PRKG1: variants seen among roughly 807,000 people sequenced by gnomAD.
PRKG1 encodes protein kinase cGMP-dependent 1.
PRKG1 carries 35 observed loss-of-function variants against 88.1 expected under a neutral mutation model. That is an observed-to-expected ratio of 0.40 (90% confidence interval 0.30 to 0.53). PRKG1 has a LOEUF of 0.53. Ranked by LOEUF, PRKG1 falls within the 20% of genes least tolerant of loss-of-function variation. The pLI, the probability that PRKG1 is intolerant of heterozygous loss-of-function variation, is 0.59. For synonymous variants in PRKG1, 303 were observed against 292.5 expected (o/e 1.04, Z -0.37); for missense variants, 540 against 839.8 (o/e 0.64, Z 4.41).
chr10:51,974,605 T>C (rs1352674850), intron 5 of PRKG1, among the ~76,000 whole-genome samples: 3 of 152,182 alleles, frequency 2.0e-5, no homozygotes, highest in Non-Finnish European at 4.4e-5. Context: ...CATATGCTTA[T>C]GCTAGTTCTT....
intron 2 of PRKG1, among the ~76,000 whole-genome samples, chr10:51,226,289 A>T (rs549881094): frequency 6.6e-6 from 1 of 152,328 alleles, no homozygotes; most frequent in South Asian, 2.1e-4. Context: ...AGGAAAGAAA[A>T]AGTTGATTAC....
At chr10:51,993,649 G>A (rs1201027657) in intron 5 of PRKG1, among the ~76,000 whole-genome samples, 1 of 152,192 alleles carries the variant, frequency 6.6e-6, no homozygotes, top group Non-Finnish European at 1.5e-5. Flanking sequence ...AGTAGTGACA[G>A]CAGTAGCAAC....
chr10:51,704,230 T>TAGACAGAC lies in PRKG1; in HGVS notation c.593-100352_593-100351insCAGACAGA, dbSNP rs1260763973. Among the ~76,000 whole-genome samples the TAGACAGAC allele has an allele frequency of 1.5e-3, 202 of 136,636 alleles. 1 individual carries two copies. The highest frequency in any genetic ancestry group is 6.7e-3 in the African/African-American group (195 of 28,944). The allele number at this position is 136,636 out of a possible 152,430, so 89.6% of individuals were successfully genotyped here. On this transcript the variant is annotated intron_variant, in intron 3 of 17. Transcript: ENST00000373980. ...TTATAGTATAGTAGCTGATAGATGA[T>TAGACAGAC]AGATAGACAGACAGACAGACAGATA...
chr10:51,314,118 A>T (rs12240952), intron 2 of PRKG1, among the ~76,000 whole-genome samples: 23,610 of 152,070 alleles, frequency 0.16, 1,878 homozygotes, highest in Admixed American at 0.17. Context: ...TAATACACAG[A>T]TATATTTGTG....
At chr10:51,474,202 C>T (rs1328243269) in intron 3 of PRKG1, among the ~76,000 whole-genome samples, 1 of 151,846 alleles carries the variant, frequency 6.6e-6, no homozygotes, top group African/African-American at 2.4e-5. Flanking sequence ...ACAATTAGGC[C>T]CATGTTCATA....
chr10:51,077,559 A>T (rs1843988986), intron 1 of PRKG1, among the ~76,000 whole-genome samples: 1 of 152,190 alleles, frequency 6.6e-6, no homozygotes, highest in Non-Finnish European at 1.5e-5. Flanking sequence ...AAATTTGGTC[A>T]TTTAAAAATA....
At chr10:51,273,338 C>T (rs1840029695) in intron 2 of PRKG1, among the ~76,000 whole-genome samples, 1 of 134,144 alleles carries the variant, frequency 7.5e-6, no homozygotes, top group Non-Finnish European at 1.6e-5. Context: ...TGACAAAACT[C>T]CATCTCTTCC....
chr10:51,501,061 C>T (rs1024146963), intron 3 of PRKG1, among the ~76,000 whole-genome samples: 1 of 152,110 alleles, frequency 6.6e-6, no homozygotes, highest in African/African-American at 2.4e-5. Context: ...GCACTCAGAC[C>T]TTCCCTGGTT....
intron 1 of PRKG1, among the ~76,000 whole-genome samples, chr10:51,092,241 A>G (rs571139868): frequency 1.3e-5 from 2 of 152,206 alleles, no homozygotes; most frequent in Admixed American, 6.5e-5. Flanking sequence ...GAAAAATGTA[A>G]TACAAAATAA....
chr10:51,108,519 T>C (rs1458007688), intron 1 of PRKG1, among the ~76,000 whole-genome samples: 1 of 151,602 alleles, frequency 6.6e-6, no homozygotes, highest in Non-Finnish European at 1.5e-5. Flanking sequence ...CAAAAACAAA[T>C]CAAAAACACT....
At chr10:51,039,400 C>T (rs1277446600) in intron 1 of PRKG1, among the ~76,000 whole-genome samples, 1 of 152,194 alleles carries the variant, frequency 6.6e-6, no homozygotes, top group African/African-American at 2.4e-5. Context: ...AATGTCTCTT[C>T]AGATCTTTTG....
intron 2 of PRKG1, among the ~76,000 whole-genome samples, chr10:51,360,345 A>C (rs1328733423): frequency 6.6e-6 from 1 of 151,914 alleles, no homozygotes; most frequent in Non-Finnish European, 1.5e-5. Flanking sequence ...TCTAATTCTA[A>C]CAAAGAAGTT....
At chr10:52,264,324 G>A (rs926516191) in intron 10 of PRKG1, among the ~76,000 whole-genome samples, 12 of 151,916 alleles carry the variant, frequency 7.9e-5, no homozygotes, top group Non-Finnish European at 1.5e-4. Flanking sequence ...CTGCCCTTTG[G>A]CCCGGTTAAT....
At chr10:51,147,008 C>A (rs142991212) in intron 1 of PRKG1, among the ~76,000 whole-genome samples, 1 of 152,034 alleles carries the variant, frequency 6.6e-6, no homozygotes, top group Non-Finnish European at 1.5e-5. Context: ...ATAGATGAAC[C>A]TGGAGGACAT....
At chr10:52,044,107 C>A (rs983682619) in intron 5 of PRKG1, among the ~76,000 whole-genome samples, 4 of 152,088 alleles carry the variant, frequency 2.6e-5, no homozygotes, top group African/African-American at 9.6e-5. Context: ...ACCAAAGACA[C>A]AAAGAACTCA....
At chr10:51,346,183 T>A (rs1330430766) in intron 2 of PRKG1, among the ~76,000 whole-genome samples, 1 of 152,184 alleles carries the variant, frequency 6.6e-6, no homozygotes, top group East Asian at 1.9e-4. Context: ...TGATGATCAT[T>A]GTGGAATAGT....
chr10:51,718,706 T>C (rs909407251), intron 3 of PRKG1, among the ~76,000 whole-genome samples: 2 of 151,972 alleles, frequency 1.3e-5, no homozygotes, highest in African/African-American at 4.8e-5. Context: ...CACTTCTTTG[T>C]AGAATCTAAA....
intron 3 of PRKG1, among the ~76,000 whole-genome samples, chr10:51,486,873 T>A (rs1383140767): frequency 6.6e-6 from 1 of 152,184 alleles, no homozygotes; most frequent in Non-Finnish European, 1.5e-5. Flanking sequence ...TCCTAATTTC[T>A]ACAGTGCGGT....
chr10:51,097,014 G>A (rs1844546456), intron 1 of PRKG1, among the ~76,000 whole-genome samples: 1 of 152,110 alleles, frequency 6.6e-6, no homozygotes, highest in South Asian at 2.1e-4. Flanking sequence ...TCTACCCCAG[G>A]TTCCATAACT....
Sources: gnomAD v4.1 joint callset for allele counts (sites outside exome capture counted in the v4.1 genomes callset) on GRCh38, gnomAD v4.1.1 for gene constraint, MANE v1.5 for transcripts, NCBI Gene and HGNC (gene_info 2026-07-23, HGNC 2026-07-21) for gene names.